SASH1: variants seen among roughly 807,000 people sequenced by gnomAD.
SASH1 encodes SAM and SH3 domain-containing protein 1.
In SASH1, 44 loss-of-function variants were observed where a neutral mutation model predicts 125.2. The ratio of observed to expected loss-of-function variants is 0.35; its 90% confidence interval spans 0.28 to 0.45. The LOEUF (loss-of-function observed/expected upper bound fraction) is 0.45. Ranked by LOEUF, SASH1 falls within the 20% of genes least tolerant of loss-of-function variation. The probability of loss-of-function intolerance (pLI) is 1.00; values close to 1 mark genes in which losing one functional copy is unlikely to be tolerated. For missense variants in SASH1, 1,426 were observed against 1,614.5 expected (o/e 0.88, Z 2.00); for synonymous variants, 639 against 649.1 (o/e 0.98, Z 0.24).
chr6:148,476,640 G>A (rs188204894), intron 7 of SASH1, among the ~76,000 whole-genome samples: 25 of 152,172 alleles, frequency 1.6e-4, no homozygotes, highest in East Asian at 5.8e-4. Context: ...AGATCATGCC[G>A]TTGAACTCCA....
At chr6:148,433,264 A>G (rs1562405557) in intron 2 of SASH1, among the ~76,000 whole-genome samples, 2 of 152,132 alleles carry the variant, frequency 1.3e-5, no homozygotes, top group Admixed American at 1.3e-4. Context: ...CTTTTAGTCA[A>G]AGTATGAATA....
intron 2 of SASH1, among the ~76,000 whole-genome samples, chr6:148,404,005 T>G (rs1408561738): frequency 6.6e-6 from 1 of 152,228 alleles, no homozygotes; most frequent in East Asian, 1.9e-4. Context: ...TGTTGTCCAT[T>G]ACTGTATCTC....
chr6:148,206,509 G>A, the SASH1 span, among the ~76,000 whole-genome samples: 1 of 139,734 alleles, frequency 7.2e-6, no homozygotes, highest in Non-Finnish European at 1.7e-5. Context: ...AAATTAACAG[G>A]CCAGGTGCAG....
chr6:148,459,103 A>G (rs908142403), intron 4 of SASH1, among the ~76,000 whole-genome samples: 1 of 152,164 alleles, frequency 6.6e-6, no homozygotes, highest in Non-Finnish European at 1.5e-5. Flanking sequence ...ATAACTTCAC[A>G]GTGCTGGAAT....
chr6:148,260,601 G>A, the SASH1 span, among the ~76,000 whole-genome samples: 6 of 130,820 alleles, frequency 4.6e-5, no homozygotes, highest in South Asian at 1.4e-3. Flanking sequence ...GCAAGACCCT[G>A]TCTTTAAAAA....
In SASH1 at chr6:148,519,300, C is replaced by T. The variant is rs981230802; in HGVS notation, c.863-247C>T. Among the ~76,000 whole-genome samples, 8 of 152,080 alleles carry T rather than the reference C, an allele frequency of 5.3e-5. No individual in the cohort carries two copies. The highest frequency in any genetic ancestry group is 1.3e-4 in the Admixed American group (2 of 15,276). ...GATTTTGCAAACGGCATTTTAAATA[C>T]GCCTGTGAAGGTGTTAGGTCTACAA... On this transcript the variant is annotated intron_variant, in intron 9 of 19. Coordinates refer to ENST00000367467, the MANE Select transcript of SASH1 (RefSeq NM_015278.5). The surrounding 1 kb of genome is among the most constrained non-coding windows in gnomAD (Gnocchi z 4.8).
the SASH1 span, among the ~76,000 whole-genome samples, chr6:148,199,375 G>GA: frequency 0.17 from 21,529 of 123,402 alleles, 1,833 homozygotes; most frequent in African/African-American, 0.27. Flanking sequence ...TCCGTCTCAA[G>GA]AAAAAAAAAA....
At chr6:148,352,638 T>G (rs1004724520) in intron 1 of SASH1, among the ~76,000 whole-genome samples, 2 of 103,328 alleles carry the variant, frequency 1.9e-5, no homozygotes, top group Middle Eastern at 5.0e-3. Flanking sequence ...AATAAATAAA[T>G]AAATAGAACT....
intron 8 of SASH1, among the ~76,000 whole-genome samples, chr6:148,510,657 T>C (rs573415585): frequency 1.1e-3 from 170 of 152,042 alleles, no homozygotes; most frequent in Non-Finnish European, 1.9e-3. Context: ...TTTATAAATA[T>C]AAAAATTCTC....
At chr6:148,301,004 G>C (rs1779926461) in intron 1 of SASH1, among the ~76,000 whole-genome samples, 1 of 151,892 alleles carries the variant, frequency 6.6e-6, no homozygotes, top group South Asian at 2.1e-4. Flanking sequence ...ATCCAAGCTG[G>C]AGTGCAGTGG....
chr6:148,342,520 A>C (rs993832978), upstream of SASH1: 5 of 152,318 alleles, frequency 3.3e-5, no homozygotes, highest in African/African-American at 1.2e-4. Context: ...AGAGCCTGAC[A>C]TCAGAGCACC....
intron 2 of SASH1, among the ~76,000 whole-genome samples, chr6:148,432,012 T>C (rs1260832607): frequency 1.3e-5 from 2 of 151,424 alleles, no homozygotes; most frequent in Admixed American, 1.3e-4. Flanking sequence ...ATTTCACTCT[T>C]GTTGCCCAGG....
At chr6:148,217,338 C>A in the SASH1 span, among the ~76,000 whole-genome samples, 1 of 152,168 alleles carries the variant, frequency 6.6e-6, no homozygotes, top group Non-Finnish European at 1.5e-5. Flanking sequence ...CTTTAAAAAT[C>A]TTGATAGGAA....
the SASH1 span, among the ~76,000 whole-genome samples, chr6:148,230,607 C>T: frequency 1.3e-5 from 2 of 152,246 alleles, no homozygotes; most frequent in Non-Finnish European, 1.5e-5. Context: ...CTTGCGGCAC[C>T]CTTTTACATC....
chr6:148,297,098 G>T (rs73788037), intron 1 of SASH1, among the ~76,000 whole-genome samples: 4,411 of 152,206 alleles, frequency 0.029, 220 homozygotes, highest in African/African-American at 0.1. Context: ...AAAACTTCTG[G>T]AAGAGCACCC....
the SASH1 span, among the ~76,000 whole-genome samples, chr6:148,222,778 A>ATCTCTCTC: frequency 1.4e-4 from 20 of 146,738 alleles, no homozygotes; most frequent in Non-Finnish European, 2.7e-4. Flanking sequence ...TTCCCCTTCG[A>ATCTCTCTC]TCTCTCTCTC....
chr6:148,440,664 C>G (rs886543827), intron 4 of SASH1: 1 of 469,516 alleles, frequency 2.1e-6, no homozygotes, highest in South Asian at 3.9e-5. Flanking sequence ...AATAAATCTC[C>G]GGAAATAGAA....
At position 148,474,642 on chromosome 6, in the gene SASH1, A is replaced by G. The variant is rs1330103489; in HGVS notation, c.627+420A>G. Among the ~76,000 whole-genome samples, 7 of 152,076 alleles carry G rather than the reference A, an allele frequency of 4.6e-5. No homozygotes were observed. In the East Asian group the frequency reaches 7.7e-4, roughly 17 times the overall value. On this transcript the variant is annotated intron_variant, in intron 7 of 19. Coordinates refer to ENST00000367467, the MANE Select transcript of SASH1 (RefSeq NM_015278.5). ...ACTGTAGTGCAGTGGTGCAATCACA[A>G]CTCACAGCAGCCTCAACCTCCTGGG...
chr6:148,451,754 C>T (rs115779438), intron 4 of SASH1, among the ~76,000 whole-genome samples: 273 of 152,278 alleles, frequency 1.8e-3, no homozygotes, highest in African/African-American at 6.1e-3. Flanking sequence ...ATTATCAGTC[C>T]GCCTTTGGAA....
Sources: gnomAD v4.1 joint callset for allele counts (sites outside exome capture counted in the v4.1 genomes callset) on GRCh38, gnomAD v4.1.1 for gene constraint, Gnocchi (gnomAD v3.1) non-coding constraint, MANE v1.5 for transcripts, NCBI Gene and HGNC (gene_info 2026-07-23, HGNC 2026-07-21) for gene names.